Variants in CAST observed in about 807,000 individuals in gnomAD.
CAST encodes calpastatin.
Under a neutral mutation model 119.6 loss-of-function variants are expected in CAST, and 76 were observed. That is an observed-to-expected ratio of 0.64 (90% CI 0.53 to 0.77). The LOEUF (loss-of-function observed/expected upper bound fraction) is 0.77, where lower values mean the gene tolerates loss of function less well. Ranked by LOEUF, CAST falls within the 30% of genes least tolerant of loss-of-function variation. CAST has a pLI of 0.00. For synonymous variants in CAST, 319 were observed against 331.6 expected, an observed-to-expected ratio of 0.96 and a Z score of 0.41; for missense variants, 953 against 946.5, an observed-to-expected ratio of 1.01 and a Z score of -0.09.
At chr5:96,301,996 G>A in the CAST span, among the ~76,000 whole-genome samples, 1 of 152,168 alleles carries the variant, frequency 6.6e-6, no homozygotes, top group African/African-American at 2.4e-5. Context: ...CCTAGTAGAG[G>A]TTCTCCATGA....
Position 96,578,284 on chromosome 5 carries a change from T to C in CAST, c.60+48404T>C, listed in dbSNP as rs1746708567. 2.9e-5 allele frequency among the ~76,000 whole-genome samples: 3 copies of C among 102,134 alleles called. No homozygotes were observed. In the South Asian group the frequency reaches 9.5e-4, roughly 32 times the overall value. 67.0% of individuals were successfully genotyped at this position (102,134 alleles called of 152,430 possible). ...ATGTTTGCATGATAATCTTTTTCCA[T>C]TTTTTTTTTATTTTCAACATACCTA... On this transcript the variant is annotated intron_variant, in intron 1 of 11. Transcript: ENST00000505143.
chr5:96,505,667 T>C, the CAST span, among the ~76,000 whole-genome samples: 1 of 152,206 alleles, frequency 6.6e-6, no homozygotes, highest in South Asian at 2.1e-4. Context: ...TTCTGTGCAC[T>C]GAGCCTGAAG....
intron 1 of CAST, among the ~76,000 whole-genome samples, chr5:96,649,618 T>C (rs1165996641): frequency 6.6e-6 from 1 of 152,242 alleles, no homozygotes; most frequent in Admixed American, 6.5e-5. Flanking sequence ...GATAAGTCTG[T>C]TGAAAGAGTC....
the CAST span, among the ~76,000 whole-genome samples, chr5:96,305,107 A>G: frequency 6.6e-6 from 1 of 152,024 alleles, no homozygotes; most frequent in South Asian, 2.1e-4. Flanking sequence ...CCATTTGTTT[A>G]TGTCCTCTCT....
At chr5:96,617,357 T>C (rs1256326982) in intron 1 of CAST, among the ~76,000 whole-genome samples, 1 of 152,022 alleles carries the variant, frequency 6.6e-6, no homozygotes, top group Non-Finnish European at 1.5e-5. Context: ...TATATTCAAA[T>C]TGGAAAACAC....
the CAST span, among the ~76,000 whole-genome samples, chr5:96,328,234 T>TG: frequency 6.6e-6 from 1 of 152,244 alleles, no homozygotes; most frequent in African/African-American, 2.4e-5. Context: ...GGCCACTTAC[T>TG]GGGTTCCCAA....
At chr5:96,211,666 G>A in the CAST span, among the ~76,000 whole-genome samples, 8 of 151,832 alleles carry the variant, frequency 5.3e-5, no homozygotes, top group African/African-American at 1.9e-4. Context: ...AAATGAATTA[G>A]GCATGTTATC....
intron 1 of CAST, among the ~76,000 whole-genome samples, chr5:96,557,053 C>T (rs1461328759): frequency 6.6e-6 from 1 of 152,054 alleles, no homozygotes; most frequent in African/African-American, 2.4e-5. Context: ...GCAGCCAATA[C>T]TCAACATTCT....
chr5:96,223,114 G>A, the CAST span, among the ~76,000 whole-genome samples: 2 of 152,222 alleles, frequency 1.3e-5, no homozygotes, highest in East Asian at 1.9e-4. Flanking sequence ...GGCTGAGAAA[G>A]GGTGTGAGGG....
At chr5:96,724,337 T>C (rs1758856062) in intron 4 of CAST, among the ~76,000 whole-genome samples, 1 of 152,012 alleles carries the variant, frequency 6.6e-6, no homozygotes, top group Non-Finnish European at 1.5e-5. Context: ...CACACCACCA[T>C]GCCTGGCTAA....
At chr5:96,655,316 A>G (rs1183970704) in intron 1 of CAST, among the ~76,000 whole-genome samples, 1 of 152,232 alleles carries the variant, frequency 6.6e-6, no homozygotes, top group Non-Finnish European at 1.5e-5. Context: ...CGGGTCATGC[A>G]TGGTCCAGTA....
rs529247839 is a variant in CAST, at chr5:96,617,723, C to T, written c.61-57816C>T. 3.6e-4 allele frequency among the ~76,000 whole-genome samples: 46 copies of T among 129,106 alleles called. No individual in the cohort carries two copies. The South Asian group carries it at 0.012, about 32-fold the overall frequency. 84.7% of individuals were successfully genotyped at this position (129,106 alleles called of 152,430 possible). On this transcript the variant is annotated intron_variant, in intron 1 of 11. Transcript: ENST00000505143. ...AGGATAATGGCGTGAACCCGGGAGG[C>T]GGAGCTTGCATTGAGCCAAGATCAC...
At chr5:96,070,862 G>T in the CAST span, among the ~76,000 whole-genome samples, 837 of 152,316 alleles carry the variant, frequency 5.5e-3, 10 homozygotes, top group Admixed American at 0.01. Context: ...AAGGGCAGGT[G>T]GAAGAGGAGG....
At chr5:96,619,522 C>T (rs942881465) in intron 1 of CAST, among the ~76,000 whole-genome samples, 5 of 152,368 alleles carry the variant, frequency 3.3e-5, no homozygotes, top group South Asian at 2.1e-4. Flanking sequence ...CTGCTGGGTC[C>T]TCTTCCACAG....
chr5:96,182,247 C>T, the CAST span, among the ~76,000 whole-genome samples: 6 of 152,122 alleles, frequency 3.9e-5, no homozygotes, highest in Admixed American at 3.9e-4. Context: ...CTAGTTAACC[C>T]GTTTGATGTC....
At chr5:95,978,777 C>T in the CAST span, among the ~76,000 whole-genome samples, 1 of 152,044 alleles carries the variant, frequency 6.6e-6, no homozygotes, top group Non-Finnish European at 1.5e-5. Flanking sequence ...AAATCATTGT[C>T]CTACAACATA....
At chr5:96,743,669 G>A (rs776830566) in intron 16 of CAST, 6 of 1,613,266 alleles carry the variant, frequency 3.7e-6, no homozygotes, top group Middle Eastern at 1.6e-4. Context: ...GGGCTCACCG[G>A]CCACAGTGTG....
At chr5:96,193,410 A>G in the CAST span, among the ~76,000 whole-genome samples, 1 of 152,216 alleles carries the variant, frequency 6.6e-6, no homozygotes, top group Non-Finnish European at 1.5e-5. Context: ...TGAACAAGAT[A>G]CTGGGAGGGA....
the CAST span, among the ~76,000 whole-genome samples, chr5:96,000,416 A>G: frequency 6.6e-6 from 1 of 152,104 alleles, no homozygotes; most frequent in South Asian, 2.1e-4. Flanking sequence ...TACTTTTTGT[A>G]TATAGTGTGA....
Sources: gnomAD v4.1 joint callset for allele counts (sites outside exome capture counted in the v4.1 genomes callset) on GRCh38, gnomAD v4.1.1 for gene constraint, MANE v1.5 for transcripts, NCBI Gene and HGNC (gene_info 2026-07-23, HGNC 2026-07-21) for gene names.